The following STARD13 variants were observed in gnomAD, a reference collection of about 807,000 sequenced individuals.
STARD13 encodes stAR-related lipid transfer protein 13.
In STARD13, 62 loss-of-function variants were observed where a neutral mutation model predicts 106.4. The observed-to-expected ratio is 0.58, with a 90% CI of 0.48 to 0.72. The LOEUF (loss-of-function observed/expected upper bound fraction) is 0.72, where lower values mean the gene tolerates loss of function less well. Among genes scored for constraint, STARD13 ranks in the 30% least tolerant of loss-of-function variants. STARD13 has a pLI of 0.00. For synonymous variants in STARD13, 565 were observed against 553.0 expected (o/e 1.02, Z -0.31); for missense variants, 1,387 against 1,424.0 (o/e 0.97, Z 0.42).
At chr13:33,348,692 T>C (rs76662930) in exon 2 of STARD13, 4,554 of 164,936 alleles carry the variant, frequency 0.028, 231 homozygotes, top group African/African-American at 0.1. Context: ...CAATTTAGCA[T>C]GATAACAGGG....
At chr13:33,474,031 T>A in the STARD13 span, among the ~76,000 whole-genome samples, 1 of 152,202 alleles carries the variant, frequency 6.6e-6, no homozygotes, top group Non-Finnish European at 1.5e-5. Flanking sequence ...TATGTGTGTG[T>A]TCCCTCTAGT....
chr13:33,592,942 T>C, the STARD13 span, among the ~76,000 whole-genome samples: 5 of 152,018 alleles, frequency 3.3e-5, no homozygotes, highest in South Asian at 8.3e-4. Flanking sequence ...GTTGGGGACA[T>C]CAGAGCTCAA....
chr13:33,158,319 G>C (rs1882219051), intron 3 of STARD13, among the ~76,000 whole-genome samples: 2 of 152,152 alleles, frequency 1.3e-5, no homozygotes, highest in Admixed American at 1.3e-4. Flanking sequence ...AATCAAAAAA[G>C]GTAACACTGC....
At chr13:33,189,463 G>C (rs529586446) in intron 1 of STARD13, among the ~76,000 whole-genome samples, 1 of 144,720 alleles carries the variant, frequency 6.9e-6, no homozygotes, top group East Asian at 2.1e-4. Context: ...AGGAGGAAAG[G>C]GAAGGGACTC....
intron 1 of STARD13, among the ~76,000 whole-genome samples, chr13:33,183,948 T>C (rs2555615): frequency 0.38 from 58,400 of 152,026 alleles, 12,317 homozygotes; most frequent in African/African-American, 0.55. Flanking sequence ...TAATGCCTCC[T>C]TTCCCTTGAA....
intron 1 of STARD13, among the ~76,000 whole-genome samples, chr13:33,197,998 G>T (rs984831717): frequency 6.6e-6 from 1 of 152,050 alleles, no homozygotes; most frequent in Non-Finnish European, 1.5e-5. Context: ...GTAAAACCCC[G>T]CCTCTACTAA....
chr13:33,127,648 C>T (rs1015526419), intron 5 of STARD13, 102 bp from the exon 6 acceptor site: 55 of 1,214,306 alleles, frequency 4.5e-5, no homozygotes, highest in Middle Eastern at 2.8e-4. Flanking sequence ...AGATAGCAGC[C>T]GAGCAAAGAA....
At chr13:33,465,701 G>A in the STARD13 span, among the ~76,000 whole-genome samples, 98 of 152,178 alleles carry the variant, frequency 6.4e-4, no homozygotes, top group African/African-American at 2.2e-3. Context: ...CTAGAAAAAT[G>A]ACATGCACTA....
At chr13:33,650,793 G>GT in the STARD13 span, among the ~76,000 whole-genome samples, 2 of 152,238 alleles carry the variant, frequency 1.3e-5, no homozygotes, top group Non-Finnish European at 2.9e-5. Context: ...TGTGAATGCA[G>GT]TAAGTCCTCT....
chr13:33,469,613 C>T, the STARD13 span, among the ~76,000 whole-genome samples: 47,582 of 151,782 alleles, frequency 0.31, 8,049 homozygotes, highest in Non-Finnish European at 0.39. Context: ...GGCAAAGAGA[C>T]AATATTAGAG....
At chr13:33,518,009 AAACAAC>A in the STARD13 span, among the ~76,000 whole-genome samples, 26 of 150,460 alleles carry the variant, frequency 1.7e-4, no homozygotes, top group South Asian at 6.4e-4. Flanking sequence ...TGGCAAAAAC[AAACAAC>A]AACAACAACA....
chr13:33,378,819 A>G, the STARD13 span, among the ~76,000 whole-genome samples: 1 of 151,318 alleles, frequency 6.6e-6, no homozygotes, highest in Non-Finnish European at 1.5e-5. Flanking sequence ...AAAGAAAAAA[A>G]GAAACATAGG....
chr13:33,629,803 T>C, the STARD13 span, among the ~76,000 whole-genome samples: 3 of 151,996 alleles, frequency 2.0e-5, no homozygotes, highest in African/African-American at 7.3e-5. Flanking sequence ...AAAAAATCAA[T>C]ACTGTCTCAT....
chr13:33,531,451 T>G, the STARD13 span, among the ~76,000 whole-genome samples: 1 of 152,222 alleles, frequency 6.6e-6, no homozygotes, highest in Non-Finnish European at 1.5e-5. Flanking sequence ...GTGGGTGCCT[T>G]GTCAATTTGG....
At chr13:33,110,220 G>A (rs1286010586) in intron 11 of STARD13, 130 bp from the exon 12 acceptor site, 2 of 732,522 alleles carry the variant, frequency 2.7e-6, no homozygotes, top group East Asian at 2.7e-5. Context: ...TATGTAAATT[G>A]AGAGTGATAC....
chr13:33,676,579 T>C, the STARD13 span: 2 of 152,198 alleles, frequency 1.3e-5, no homozygotes, highest in African/African-American at 4.8e-5. Context: ...TTAGGCAGCA[T>C]GTTAGAGTTT....
At chr13:33,307,518 A>G (rs1594244125) in intron 1 of STARD13, among the ~76,000 whole-genome samples, 1 of 152,312 alleles carries the variant, frequency 6.6e-6, no homozygotes, top group East Asian at 1.9e-4. Flanking sequence ...AGGGACATAG[A>G]TGGAGCTGGA....
chr13:33,532,805 C>T, the STARD13 span, among the ~76,000 whole-genome samples: 4 of 152,042 alleles, frequency 2.6e-5, no homozygotes, highest in Admixed American at 6.6e-5. Context: ...TGTCTGATTC[C>T]GACATGAGGA....
At chr13:33,347,410 G>T (rs1394270571), downstream of STARD13, among the ~76,000 whole-genome samples, 2 of 151,620 alleles carry the variant, frequency 1.3e-5, no homozygotes, top group African/African-American at 2.4e-5. Flanking sequence ...TAATTTTTTT[G>T]TTTGTTTGTT....
Sources: gnomAD v4.1 joint callset for allele counts (sites outside exome capture counted in the v4.1 genomes callset) on GRCh38, gnomAD v4.1.1 for gene constraint, MANE v1.5 for transcripts, NCBI Gene and HGNC (gene_info 2026-07-23, HGNC 2026-07-21) for gene names.